The following FRMD4A variants were observed in gnomAD, a reference collection of about 807,000 sequenced individuals.
FRMD4A encodes FERM domain containing 4A.
In FRMD4A, 29 loss-of-function variants were observed where a neutral mutation model predicts 129.1. The observed-to-expected ratio is 0.22, with a 90% CI of 0.17 to 0.31. The LOEUF is 0.31. Ranked by LOEUF, FRMD4A falls within the 10% of genes least tolerant of loss-of-function variation. The pLI, the probability that FRMD4A is intolerant of heterozygous loss-of-function variation, is 1.00. For missense variants in FRMD4A, 1,272 were observed against 1,375.8 expected (o/e 0.92, Z 1.19); for synonymous variants, 634 against 571.6 (o/e 1.11, Z -1.56).
intron 2 of FRMD4A, among the ~76,000 whole-genome samples, chr10:13,887,609 C>T (rs778001034): frequency 2.6e-5 from 4 of 152,084 alleles, no homozygotes; most frequent in African/African-American, 7.2e-5. Flanking sequence ...TGCCGTGAGC[C>T]GAGATTGCAC....
At chr10:13,940,432 T>C (rs1286211684) in intron 2 of FRMD4A, among the ~76,000 whole-genome samples, 1 of 152,200 alleles carries the variant, frequency 6.6e-6, no homozygotes, top group Non-Finnish European at 1.5e-5. Context: ...CAATGTTGTG[T>C]TGATTTCATA....
At position 13,951,372 on chromosome 10, in the gene FRMD4A, T is replaced by G. The variant is rs2095369375; in HGVS notation, c.46-92460A>C. Among the ~76,000 whole-genome samples the G allele has an allele frequency of 3.9e-5, 6 of 152,130 alleles. No individual in the cohort carries two copies. The South Asian group carries it at 1.2e-3, about 32-fold the overall frequency. ...GGATCGTAGCAGGCTTGAGAGAACG[T>G]ATTTTCTAAGATTGATGGGAAGATC... is the stretch of plus-strand genomic sequence containing the variant. On this transcript the variant is annotated intron_variant, in intron 2 of 24. Coordinates refer to ENST00000357447, the MANE Select transcript of FRMD4A (RefSeq NM_018027.5).
chr10:13,884,120 A>T lies in FRMD4A; in HGVS notation c.46-25208T>A, dbSNP rs200821162. 7.0e-5 allele frequency among the ~76,000 whole-genome samples: 8 copies of T among 114,348 alleles called. 1 individual carries two copies. The highest frequency in any genetic ancestry group is 3.1e-4 in the African/African-American group (8 of 26,204). 75.0% of individuals were successfully genotyped at this position (114,348 alleles called of 152,430 possible). On this transcript the variant is annotated intron_variant, in intron 2 of 24. Coordinates refer to ENST00000357447, the MANE Select transcript of FRMD4A (RefSeq NM_018027.5). ...GGAAAAGAAACACACACACACACAC[A>T]CTCACACACACGCTCACACACACTC...
At chr10:14,223,705 C>A (rs148122867) in intron 2 of FRMD4A, among the ~76,000 whole-genome samples, 42 of 128,292 alleles carry the variant, frequency 3.3e-4, no homozygotes, top group African/African-American at 1.2e-3. Flanking sequence ...TGCACTACTG[C>A]AATCCAGCCT....
chr10:14,024,494 T>A (rs1832901197), intron 2 of FRMD4A, among the ~76,000 whole-genome samples: 1 of 152,196 alleles, frequency 6.6e-6, no homozygotes, highest in Non-Finnish European at 1.5e-5. Context: ...GGAAACACCG[T>A]CGGCGTCAAA....
In FRMD4A at chr10:13,670,273, A is replaced by G; in HGVS notation, c.1374+133T>C. The G allele has an allele frequency of 1.6e-5, 14 of 868,962 alleles. No homozygotes were observed. The South Asian group carries it at 2.2e-4, about 13-fold the overall frequency. The allele number at this position is 868,962 out of a possible 1,614,324, so 53.8% of individuals were successfully genotyped here. On this transcript the variant is annotated intron_variant, in intron 17 of 24. Coordinates refer to ENST00000357447, the MANE Select transcript of FRMD4A (RefSeq NM_018027.5). Reference sequence around the variant, plus strand: ...CACATACTGACCGGCCAGCTCACTCAAGAAAAGGTATGAGCGAAAATACTG... The same window carrying G: ...CACATACTGACCGGCCAGCTCACTCGAGAAAAGGTATGAGCGAAAATACTG...
At chr10:13,747,194 A>AAG (rs2091336904) in intron 9 of FRMD4A, among the ~76,000 whole-genome samples, 1 of 151,880 alleles carries the variant, frequency 6.6e-6, no homozygotes, top group Admixed American at 6.6e-5. Flanking sequence ...AAAGAAGAAG[A>AAG]AACAAAAAAG....
chr10:13,840,184 C>CTT (rs990975037), intron 3 of FRMD4A, among the ~76,000 whole-genome samples: 3 of 152,100 alleles, frequency 2.0e-5, no homozygotes, highest in Non-Finnish European at 4.4e-5. Flanking sequence ...GAGATAGGAT[C>CTT]TTTAGGAGGT....
intron 4 of FRMD4A, among the ~76,000 whole-genome samples, chr10:13,800,701 G>A (rs897015234): frequency 2.0e-5 from 3 of 152,182 alleles, no homozygotes; most frequent in Non-Finnish European, 4.4e-5. Flanking sequence ...ACTTCAAGGT[G>A]GGGACATGTC....
chr10:14,109,456 A>G (rs1170797841), intron 2 of FRMD4A, among the ~76,000 whole-genome samples: 1 of 152,098 alleles, frequency 6.6e-6, no homozygotes, highest in African/African-American at 2.4e-5. Context: ...AAGGCAACAG[A>G]TATATAGTTG....
chr10:14,284,909 G>C (rs1458954818), intron 2 of FRMD4A, among the ~76,000 whole-genome samples: 1 of 152,190 alleles, frequency 6.6e-6, no homozygotes, highest in Non-Finnish European at 1.5e-5. Flanking sequence ...ACCCGCAGGA[G>C]GAGGAAGCTG....
At chr10:14,189,592 A>G (rs1299716454) in intron 2 of FRMD4A, among the ~76,000 whole-genome samples, 1 of 152,162 alleles carries the variant, frequency 6.6e-6, no homozygotes, top group Non-Finnish European at 1.5e-5. Context: ...AAAAAAGAGG[A>G]GGAAGATAAT....
At chr10:13,970,206 G>GA (rs2095509306) in intron 2 of FRMD4A, among the ~76,000 whole-genome samples, 1 of 152,186 alleles carries the variant, frequency 6.6e-6, no homozygotes, top group Non-Finnish European at 1.5e-5. Flanking sequence ...AGACACACTT[G>GA]ATATTTAGAG....
At chr10:13,680,604 T>A (rs189650676) in intron 15 of FRMD4A, among the ~76,000 whole-genome samples, 1 of 152,118 alleles carries the variant, frequency 6.6e-6, no homozygotes, top group Non-Finnish European at 1.5e-5. Flanking sequence ...CATGCACCTG[T>A]AATCCCAGCT....
At chr10:13,771,250 AT>A (rs199910290) in intron 6 of FRMD4A, among the ~76,000 whole-genome samples, 2,360 of 151,922 alleles carry the variant, frequency 0.016, 97 homozygotes, top group South Asian at 0.12. Flanking sequence ...AATTAAATAT[AT>A]TTTTTTGTAG....
chr10:14,145,204 A>T (rs1167922772), intron 2 of FRMD4A, among the ~76,000 whole-genome samples: 1 of 152,206 alleles, frequency 6.6e-6, no homozygotes, highest in Non-Finnish European at 1.5e-5. Context: ...CTAAGTAAGC[A>T]AGAAAGCCCC....
intron 2 of FRMD4A, among the ~76,000 whole-genome samples, chr10:14,119,191 C>T (rs1838362496): frequency 6.6e-6 from 1 of 152,158 alleles, no homozygotes; most frequent in African/African-American, 2.4e-5. Context: ...TGACTCATTT[C>T]CGTCCCTGCT....
intron 2 of FRMD4A, among the ~76,000 whole-genome samples, chr10:14,198,591 C>T (rs917805696): frequency 1.3e-5 from 2 of 152,182 alleles, no homozygotes; most frequent in African/African-American, 4.8e-5. Context: ...TCATTTCCTC[C>T]TTGCTCTCTT....
intron 16 of FRMD4A, among the ~76,000 whole-genome samples, chr10:13,671,376 C>G (rs904514673): frequency 6.6e-6 from 1 of 152,120 alleles, no homozygotes. Flanking sequence ...ATCGCTTGAA[C>G]CCGGGAGGCG....
Sources: gnomAD v4.1 joint callset for allele counts (sites outside exome capture counted in the v4.1 genomes callset) on GRCh38, gnomAD v4.1.1 for gene constraint, MANE v1.5 for transcripts, NCBI Gene and HGNC (gene_info 2026-07-23, HGNC 2026-07-21) for gene names.